PSPC1: variants seen among roughly 807,000 people sequenced by gnomAD.
The protein encoded by PSPC1 is paraspeckle protein 1.
PSPC1 carries 14 observed loss-of-function variants against 51.6 expected under a neutral mutation model. The observed-to-expected ratio is 0.27, with a 90% CI of 0.18 to 0.42. The LOEUF is 0.42. PSPC1 is among the 10% of genes least tolerant of loss of function. The pLI is 1.00. For synonymous variants in PSPC1, 193 were observed against 231.9 expected, an observed-to-expected ratio of 0.83 and a Z score of 1.53; for missense variants, 406 against 701.1, an observed-to-expected ratio of 0.58 and a Z score of 4.75.
intron 4 of PSPC1, among the ~76,000 whole-genome samples, chr13:19,746,810 A>G (rs1678315678): frequency 6.6e-6 from 1 of 152,030 alleles, no homozygotes; most frequent in African/African-American, 2.4e-5. Flanking sequence ...CATGTGTTCA[A>G]TAAGAATCAA....
At chr13:19,760,122 A>T (rs775152477) in intron 2 of PSPC1, among the ~76,000 whole-genome samples, 46 of 152,130 alleles carry the variant, frequency 3.0e-4, no homozygotes, top group South Asian at 1.0e-3. Flanking sequence ...CTCAAGTGAG[A>T]CATTTTCTAA....
intron 3 of PSPC1, among the ~76,000 whole-genome samples, chr13:19,757,463 T>C (rs1887197865): frequency 1.3e-5 from 2 of 152,120 alleles, no homozygotes; most frequent in Non-Finnish European, 2.9e-5. Context: ...AAAAAGACCA[T>C]CGGTCCCTCT....
At chr13:19,680,772 G>A (rs967762095) in intron 6 of PSPC1, among the ~76,000 whole-genome samples, 3 of 152,112 alleles carry the variant, frequency 2.0e-5, no homozygotes, top group Non-Finnish European at 2.9e-5. Flanking sequence ...ATTAACGGGG[G>A]ATTTTATCCT....
chr13:19,756,163 G>A (rs955801997), intron 3 of PSPC1, among the ~76,000 whole-genome samples: 5 of 152,046 alleles, frequency 3.3e-5, no homozygotes, highest in African/African-American at 1.2e-4. Flanking sequence ...ACTTGAACTC[G>A]GGAGGTGGAG....
At chr13:19,739,230 T>C (rs1885164850) in intron 5 of PSPC1, among the ~76,000 whole-genome samples, 1 of 152,202 alleles carries the variant, frequency 6.6e-6, no homozygotes, top group African/African-American at 2.4e-5. Flanking sequence ...GTGATGATGT[T>C]ATTCATTTGT....
chr13:19,709,128 C>T (rs1279801726), intron 7 of PSPC1, among the ~76,000 whole-genome samples: 15 of 130,910 alleles, frequency 1.1e-4, no homozygotes, highest in African/African-American at 4.0e-4. Context: ...CACTGTACTC[C>T]AGCCTGGGCA....
chr13:19,720,988 A>G (rs1207270079), intron 6 of PSPC1, among the ~76,000 whole-genome samples: 1 of 151,560 alleles, frequency 6.6e-6, no homozygotes, highest in East Asian at 1.9e-4. Context: ...TACAAACCAG[A>G]GTTCCTACAG....
chr13:19,755,542 C>T (rs1260076827), intron 3 of PSPC1, among the ~76,000 whole-genome samples: 10 of 150,968 alleles, frequency 6.6e-5, no homozygotes, highest in Admixed American at 2.0e-4. Flanking sequence ...GAGCCAAGAT[C>T]GCGCCACTGC....
At chr13:19,733,732 C>A (rs1884417617) in intron 5 of PSPC1, among the ~76,000 whole-genome samples, 1 of 150,704 alleles carries the variant, frequency 6.6e-6, no homozygotes, top group Non-Finnish European at 1.5e-5. Flanking sequence ...CACTGCACTG[C>A]AGCCTGGGTG....
rs1473886726 is a variant in PSPC1, at chr13:19,736,468, G to A, written c.1052+5097C>T. Reference sequence around the variant, plus strand: ...GGAGGCCGAGGCGGGCGGATCACAAGGTCAGCAGATCGAGACCATCCTGGC... The same window carrying A: ...GGAGGCCGAGGCGGGCGGATCACAAAGTCAGCAGATCGAGACCATCCTGGC... On this transcript the variant is annotated intron_variant, in intron 5 of 8. Coordinates refer to ENST00000338910, the MANE Select transcript of PSPC1 (RefSeq NM_001354909.2). Among the ~76,000 whole-genome samples the A allele has an allele frequency of 1.4e-4, 21 of 152,130 alleles. No homozygotes were observed. In the South Asian group the frequency reaches 3.7e-3, roughly 27 times the overall value.
intron 7 of PSPC1, among the ~76,000 whole-genome samples, chr13:19,706,668 C>T (rs1040610084): frequency 1.3e-5 from 2 of 151,962 alleles, no homozygotes; most frequent in Admixed American, 1.3e-4. Context: ...CATTTTTAGG[C>T]ATTTTCTTTG....
At chr13:19,779,326 A>C in intron 1 of PSPC1, among the ~76,000 whole-genome samples, 1 of 96,292 alleles carries the variant, frequency 1.0e-5, no homozygotes, top group African/African-American at 3.7e-5. Flanking sequence ...TCCGGGAGGG[A>C]CGTGGGGGGT....
intron 6 of PSPC1, among the ~76,000 whole-genome samples, chr13:19,725,183 G>GA (rs1282274904): frequency 6.6e-6 from 1 of 151,734 alleles, no homozygotes; most frequent in Non-Finnish European, 1.5e-5. Context: ...TCTCAAAAAC[G>GA]AAAAAAAGAT....
At chr13:19,686,175 G>T (rs957182240) in intron 6 of PSPC1, among the ~76,000 whole-genome samples, 1 of 152,046 alleles carries the variant, frequency 6.6e-6, no homozygotes, top group Non-Finnish European at 1.5e-5. Context: ...AAGTCTCTCC[G>T]CTGAATTCCC....
intron 1 of PSPC1, among the ~76,000 whole-genome samples, chr13:19,772,915 A>G (rs1888748960): frequency 6.6e-6 from 1 of 152,174 alleles, no homozygotes; most frequent in Non-Finnish European, 1.5e-5. Context: ...TAATCCCAGC[A>G]CTTTGAGAGG....
rs1158150987 is a variant in PSPC1, at chr13:19,730,953, AAAAC to A, written c.1053-613_1053-610del. Among the ~76,000 whole-genome samples the A allele has an allele frequency of 7.8e-3, 289 of 36,970 alleles. 9 individuals are homozygous for A. The highest frequency in any genetic ancestry group is 0.014 in the Middle Eastern group (1 of 74). 24.3% of individuals were successfully genotyped at this position (36,970 alleles called of 152,430 possible). ...CAGTGAGACCCTGTCTCAGAAAAAA[AAAAC>A]AAAAAAACAAAAAAAAAAAAAACAG... On this transcript the variant is annotated intron_variant, in intron 5 of 8. Transcript: ENST00000338910.
At chr13:19,673,735 T>C (rs1876305173), downstream of PSPC1, among the ~76,000 whole-genome samples, 1 of 152,158 alleles carries the variant, frequency 6.6e-6, no homozygotes, top group Admixed American at 6.6e-5. Context: ...GCTTTCTCTC[T>C]AAGATACAAA....
intron 6 of PSPC1, among the ~76,000 whole-genome samples, chr13:19,695,146 G>C (rs953014216): frequency 6.6e-6 from 1 of 152,160 alleles, no homozygotes; most frequent in African/African-American, 2.4e-5. Context: ...GGCTGTGATA[G>C]GTTAGTCTTC....
chr13:19,692,429 A>G (rs1878680686), intron 6 of PSPC1, among the ~76,000 whole-genome samples: 1 of 152,196 alleles, frequency 6.6e-6, no homozygotes, highest in Admixed American at 6.5e-5. Context: ...GTCTTGTTTT[A>G]GAATGATGCA....
Sources: gnomAD v4.1 joint callset for allele counts (sites outside exome capture counted in the v4.1 genomes callset) on GRCh38, gnomAD v4.1.1 for gene constraint, MANE v1.5 for transcripts, NCBI Gene and HGNC (gene_info 2026-07-23, HGNC 2026-07-21) for gene names.